Variants in AKAP13 observed in about 807,000 individuals in gnomAD.
AKAP13 encodes A-kinase anchor protein 13.
AKAP13 carries 80 observed loss-of-function variants against 264.5 expected under a neutral mutation model. The ratio of observed to expected loss-of-function variants is 0.30; its 90% CI spans 0.25 to 0.36. The LOEUF (loss-of-function observed/expected upper bound fraction) is 0.36, where lower values mean the gene tolerates loss of function less well. Ranked by LOEUF, AKAP13 falls within the 10% of genes least tolerant of loss-of-function variation. The pLI, the probability that AKAP13 is intolerant of heterozygous loss-of-function variation, is 1.00. For synonymous variants in AKAP13, 1,380 were observed against 1,250.2 expected (o/e 1.10, Z -2.19); for missense variants, 3,712 against 3,435.2 (o/e 1.08, Z -2.01).
intron 2 of AKAP13, among the ~76,000 whole-genome samples, chr15:85,519,736 G>A (rs1370079541): frequency 6.6e-6 from 1 of 152,192 alleles, no homozygotes; most frequent in Non-Finnish European, 1.5e-5. Context: ...AGTCGTAGTA[G>A]TCATGGACCC....
At chr15:85,613,186 A>G (rs1451492011) in intron 8 of AKAP13, among the ~76,000 whole-genome samples, 1 of 152,248 alleles carries the variant, frequency 6.6e-6, no homozygotes, top group Non-Finnish European at 1.5e-5. Flanking sequence ...TGGTTATCAA[A>G]CAGTACACTG....
intron 3 of AKAP13, among the ~76,000 whole-genome samples, chr15:85,531,350 C>A (rs191618189): frequency 2.0e-5 from 3 of 152,282 alleles, no homozygotes; most frequent in African/African-American, 7.2e-5. Context: ...TGTTATGAAC[C>A]GTAAATCTCT....
intron 1 of AKAP13, among the ~76,000 whole-genome samples, chr15:85,416,956 A>G (rs2072268099): frequency 1.3e-5 from 2 of 152,196 alleles, no homozygotes; most frequent in South Asian, 4.1e-4. Context: ...GTGGAGTTTG[A>G]TATATTAGAG....
At chr15:85,676,112 C>T (rs1049937032) in intron 14 of AKAP13, among the ~76,000 whole-genome samples, 20 of 152,124 alleles carry the variant, frequency 1.3e-4, no homozygotes, top group African/African-American at 3.9e-4. Flanking sequence ...GGGGTTTCAC[C>T]GTGTTGGCCA....
chr15:85,619,692 G>A (rs116944925), intron 8 of AKAP13: 53,631 of 990,952 alleles, frequency 0.054, 1,548 homozygotes, highest in Non-Finnish European at 0.057. Context: ...TTTTCCCTAC[G>A]TGTATCGGCC....
chr15:85,622,358 C>T (rs1173992267), intron 8 of AKAP13, among the ~76,000 whole-genome samples: 1 of 152,028 alleles, frequency 6.6e-6, no homozygotes, highest in African/African-American at 2.4e-5. Flanking sequence ...GAAGAGCTCT[C>T]TAGAAAGAAT....
chr15:85,494,450 C>A (rs1404729250), intron 2 of AKAP13, among the ~76,000 whole-genome samples: 1 of 152,146 alleles, frequency 6.6e-6, no homozygotes, highest in Non-Finnish European at 1.5e-5. Context: ...AAGAATTAGG[C>A]GACGTGGATG....
chr15:85,401,950 G>A (rs1212375207), intron 1 of AKAP13, among the ~76,000 whole-genome samples: 1 of 152,214 alleles, frequency 6.6e-6, no homozygotes, highest in Non-Finnish European at 1.5e-5. Context: ...AAATTCTGAT[G>A]TAAAACATTC....
At chr15:85,530,412 C>T (rs2077209610) in intron 3 of AKAP13, among the ~76,000 whole-genome samples, 4 of 152,104 alleles carry the variant, frequency 2.6e-5, no homozygotes, top group Admixed American at 2.0e-4. Flanking sequence ...TCAGGTTTCT[C>T]ATCTTTGCAT....
chr15:85,487,160 A>G (rs2075579300), intron 2 of AKAP13, among the ~76,000 whole-genome samples: 2 of 152,232 alleles, frequency 1.3e-5, no homozygotes, highest in African/African-American at 4.8e-5. Context: ...GTTTGGCCAC[A>G]GTTTTTAAGT....
rs750298120 is a variant in AKAP13, at chr15:85,581,200, A to G, written c.3132A>G (p.Pro1044=). The change falls in exon 7 of 37, where the codon CCA becomes CCG. Residue 1044 remains proline (P), a synonymous_variant. Transcript: ENST00000394518. ...AGCACAACAGCTCCGCTCTGTTGCCATGTCTGTTGCCAGATGGGTCTGATG... is the reference window on the plus strand; with the variant it reads ...AGCACAACAGCTCCGCTCTGTTGCCGTGTCTGTTGCCAGATGGGTCTGATG... ...GAEHNSSALL[P]CLLPDGSDGS... 20 of 1,613,686 alleles carry G rather than the reference A, an allele frequency of 1.2e-5. No homozygotes were observed. The East Asian group carries it at 1.3e-4, about 11-fold the overall frequency.
At chr15:85,712,679 G>C (rs537232314) in intron 19 of AKAP13, among the ~76,000 whole-genome samples, 14 of 152,256 alleles carry the variant, frequency 9.2e-5, no homozygotes, top group African/African-American at 2.6e-4. Context: ...AAGTAGCTGG[G>C]ATTACAGGTG....
chr15:85,611,023 A>G (rs1278189332), intron 8 of AKAP13, among the ~76,000 whole-genome samples: 1 of 152,130 alleles, frequency 6.6e-6, no homozygotes, highest in Non-Finnish European at 1.5e-5. Context: ...CCCCTGTGAA[A>G]TAGTAGAATA....
chr15:85,461,109 A>AATTTT (rs61221023), intron 1 of AKAP13, among the ~76,000 whole-genome samples: 33,392 of 150,682 alleles, frequency 0.22, 4,524 homozygotes, highest in African/African-American at 0.35. Flanking sequence ...AGGACTGTAT[A>AATTTT]ATTTTATTTT....
chr15:85,432,009 G>C (rs573630411), intron 1 of AKAP13, among the ~76,000 whole-genome samples: 1 of 152,266 alleles, frequency 6.6e-6, no homozygotes, highest in Admixed American at 6.5e-5. Flanking sequence ...TAATTTCATT[G>C]GGAGGCTGTT....
intron 1 of AKAP13, among the ~76,000 whole-genome samples, chr15:85,406,145 C>G (rs2071650864): frequency 6.6e-6 from 1 of 152,190 alleles, no homozygotes; most frequent in Non-Finnish European, 1.5e-5. Flanking sequence ...AGCCACTGAG[C>G]CAGACCAAAA....
intron 17 of AKAP13, among the ~76,000 whole-genome samples, chr15:85,695,430 A>G (rs1371058371): frequency 1.3e-5 from 2 of 152,162 alleles, no homozygotes; most frequent in African/African-American, 4.8e-5. Flanking sequence ...AAAAACGTGT[A>G]TTTGGACAGA....
rs1216055008 is a variant in AKAP13, at chr15:85,693,265, TTTCTTCGGCA to T, written c.5290-11_5290-2del. ...TTCAATTAACTGTGGATTATTTTCT[TTTCTTCGGCA>T]GGAAAAGGAAAAAGAAAAAGATAAG... On this transcript the variant is annotated splice_acceptor_variant and splice_polypyrimidine_tract_variant and intron_variant, in intron 16 of 36. Coordinates refer to ENST00000394518, the MANE Select transcript of AKAP13 (RefSeq NM_007200.5). LOFTEE classifies it high-confidence loss of function. 6.3e-7 allele frequency: 1 copy of T among 1,588,266 alleles called. No individual in the cohort carries two copies. Among genetic ancestry groups the T allele is most frequent in the Non-Finnish European group, 8.5e-7 (1 of 1,172,166 alleles).
rs1254233848 is a variant in AKAP13 at position 85,542,023 on chromosome 15, C to T, written c.479-1749C>T. The stretch of plus-strand genomic sequence containing the variant: ...GAGGGTGGTAAAGAGACAGCTGCTT[C>T]AAGGTTGGAAATAACTAGCCTCTAA... On this transcript the variant is annotated intron_variant, in intron 4 of 36. Transcript: ENST00000394518. 2.0e-5 allele frequency among the ~76,000 whole-genome samples: 3 copies of T among 152,182 alleles called. No homozygotes were observed. The East Asian group carries it at 5.8e-4, about 29-fold the overall frequency.
Sources: allele counts gnomAD v4.1 joint callset (sites outside exome capture counted in the v4.1 genomes callset), GRCh38; gene constraint gnomAD v4.1.1; transcripts MANE v1.5; gene names NCBI Gene and HGNC (gene_info 2026-07-23, HGNC 2026-07-21).